DNAJC11: variants seen among roughly 807,000 people sequenced by gnomAD.
DNAJC11 encodes the protein DnaJ heat shock protein family (Hsp40) member C11.
A neutral mutation model predicts 78.6 loss-of-function variants in DNAJC11; 15 were observed. That is an observed-to-expected ratio of 0.19 (90% confidence interval 0.13 to 0.29). The LOEUF (loss-of-function observed/expected upper bound fraction) is 0.29. DNAJC11 is among the 10% of genes least tolerant of loss of function. The pLI, the probability that DNAJC11 is intolerant of heterozygous loss-of-function variation, is 1.00. For synonymous variants in DNAJC11, 292 were observed against 272.1 expected (o/e 1.07, Z -0.72); for missense variants, 547 against 709.6 (o/e 0.77, Z 2.60).
Position 6,634,324 on chromosome 1 carries a change from C to G in DNAJC11, c.*1351G>C, listed in dbSNP as rs548979382. On this transcript the variant is annotated 3_prime_UTR_variant, in exon 16 of 16. Transcript: ENST00000377577. ...ACACGACGCTCACCGCGGCTCGGGC[C>G]GTGGGGCCGTCAGAGAAACCTTTTT... is the stretch of plus-strand genomic sequence containing the variant. The G allele has an allele frequency of 4.9e-6, 5 of 1,026,912 alleles. No individual in the cohort carries two copies. The South Asian group carries it at 8.4e-5, about 17-fold the overall frequency. The allele number at this position is 1,026,912 out of a possible 1,614,324, so 63.6% of individuals were successfully genotyped here. A position where few individuals can be genotyped will look rare whatever the true frequency, so the allele number is the denominator to read the frequency against.
intron 1 of DNAJC11, among the ~76,000 whole-genome samples, chr1:6,688,104 C>T (rs1375712175): frequency 6.6e-6 from 1 of 152,236 alleles, no homozygotes; most frequent in African/African-American, 2.4e-5. Flanking sequence ...CAATAAGAAA[C>T]ATAAGAGGAA....
intron 10 of DNAJC11, 33 bp downstream of exon 10, chr1:6,644,525 T>C: frequency 6.8e-7 from 1 of 1,459,938 alleles, no homozygotes; most frequent in East Asian, 2.3e-5. Context: ...GTGACAGGCA[T>C]TCCTTGACCC....
In DNAJC11 at chr1:6,689,455, T is replaced by C. The variant is rs75943310; in HGVS notation, c.73-8418A>G. Among the ~76,000 whole-genome samples the C allele has an allele frequency of 1.6e-3, 245 of 152,200 alleles. 2 individuals are homozygous for C. The highest frequency in any genetic ancestry group is 5.8e-3 in the African/African-American group (239 of 41,530). The stretch of plus-strand genomic sequence containing the variant: ...TGGGGCAGAGGTGAATTTGAACACC[T>C]AGGTGGCGTGATGTCCAGAAGGCAG... On this transcript the variant is annotated intron_variant, in intron 1 of 15. Coordinates refer to ENST00000377577, the MANE Select transcript of DNAJC11 (RefSeq NM_018198.4).
chr1:6,676,523 T>A (rs1050327398), intron 3 of DNAJC11, among the ~76,000 whole-genome samples: 1 of 151,600 alleles, frequency 6.6e-6, no homozygotes, highest in Non-Finnish European at 1.5e-5. Flanking sequence ...CTACAAAAAA[T>A]TTAAAAATTA....
chr1:6,672,668 C>T (rs910180157), intron 3 of DNAJC11, among the ~76,000 whole-genome samples: 3 of 152,158 alleles, frequency 2.0e-5, no homozygotes, highest in Non-Finnish European at 4.4e-5. Flanking sequence ...CAGGCCTCTG[C>T]CAGCCTTGAT....
intron 1 of DNAJC11, among the ~76,000 whole-genome samples, chr1:6,693,673 C>T (rs886424147): frequency 2.0e-5 from 3 of 151,776 alleles, no homozygotes. Context: ...TGAGCCACCA[C>T]GCCCAGCCTT....
At position 6,648,759 on chromosome 1, in the gene DNAJC11, G is replaced by A. The variant is rs147967977; in HGVS notation, c.704+2770C>T. Among the ~76,000 whole-genome samples, 398 of 152,206 alleles carry A rather than the reference G, an allele frequency of 2.6e-3. 2 individuals carry two copies. Among genetic ancestry groups the A allele is most frequent in the African/African-American group, 9.1e-3 (377 of 41,544 alleles). ...GCATGAGCCACCACACCCTGCCCCC[G>A]AGGCGGCTTTTAACCAGCATCTGGG... On this transcript the variant is annotated intron_variant, in intron 7 of 15. Coordinates refer to ENST00000377577, the MANE Select transcript of DNAJC11 (RefSeq NM_018198.4).
Position 6,634,959 on chromosome 1 carries a change from G to C in DNAJC11, c.*716C>G, listed in dbSNP as rs1641732950. On this transcript the variant is annotated 3_prime_UTR_variant, in exon 16 of 16. Coordinates refer to ENST00000377577, the MANE Select transcript of DNAJC11 (RefSeq NM_018198.4). Reference sequence around the variant, plus strand: ...GGCCAGCTCAAGCCCGCTGGTGGCAGGGCGTTTTCCCACCGGGATACGGGA... The same window carrying C: ...GGCCAGCTCAAGCCCGCTGGTGGCACGGCGTTTTCCCACCGGGATACGGGA... 11 of 1,018,848 alleles carry C rather than the reference G, an allele frequency of 1.1e-5. No homozygotes were observed. The highest frequency in any genetic ancestry group is 1.3e-5 in the Non-Finnish European group (10 of 793,474). 63.1% of individuals were successfully genotyped at this position (1,018,848 alleles called of 1,614,324 possible). A position where few individuals can be genotyped will look rare whatever the true frequency, so the allele number is the denominator to read the frequency against.
intron 1 of DNAJC11, 37 bp from the exon 2 acceptor site, chr1:6,681,074 G>A: frequency 6.3e-7 from 1 of 1,582,268 alleles, no homozygotes; most frequent in Non-Finnish European, 8.6e-7. Context: ...AACAATCAAT[G>A]CTACTTAAAC....
intron 1 of DNAJC11, 111 bp downstream of exon 1, chr1:6,701,618 C>G: frequency 1.7e-6 from 2 of 1,182,932 alleles, no homozygotes; most frequent in South Asian, 3.1e-5. Context: ...CGCGGCCTCC[C>G]CGACGGACCC....
At chr1:6,685,854 T>C (rs1016742568) in intron 1 of DNAJC11, among the ~76,000 whole-genome samples, 4 of 152,244 alleles carry the variant, frequency 2.6e-5, no homozygotes, top group Admixed American at 1.3e-4. Context: ...TTTAATGGAA[T>C]GTGTGTACAT....
Position 6,653,999 on chromosome 1 carries a change from T to C in DNAJC11, c.419A>G (p.Asp140Gly). 1 of 1,613,490 alleles carries C rather than the reference T, an allele frequency of 6.2e-7. No homozygotes were observed. The highest frequency in any genetic ancestry group is 8.5e-7 in the Non-Finnish European group (1 of 1,179,602). The change falls in exon 5 of 16, where the codon GAT (aspartate) becomes GGT (glycine). Residue 140 changes from aspartate (D) to glycine (G), a missense_variant. Coordinates refer to ENST00000377577, the MANE Select transcript of DNAJC11 (RefSeq NM_018198.4). This position sits in a 1 kb window ranked among gnomAD's most constrained non-coding sequence, Gnocchi z 4.5. Reference protein sequence around the residue: ...SVGVDATDLFDRYDEEYEDVS... With the variant: ...SVGVDATDLFGRYDEEYEDVS... Reference sequence around the variant, plus strand: ...ATCTTCATACTCCTCATCATAGCGATCAAAAAGGTCGGTGGCATCTACTCC... The same window carrying C: ...ATCTTCATACTCCTCATCATAGCGACCAAAAAGGTCGGTGGCATCTACTCC...
chr1:6,644,817 A>C, intron 9 of DNAJC11, 143 bp from the exon 10 acceptor site: 1 of 809,996 alleles, frequency 1.2e-6, no homozygotes, highest in South Asian at 1.6e-5. Context: ...GACAGAAGAA[A>C]GTTGGGACAC....
At chr1:6,652,729 G>C (rs1223251886) in intron 6 of DNAJC11, 100 bp downstream of exon 6, 6 of 1,527,622 alleles carry the variant, frequency 3.9e-6, no homozygotes, top group Non-Finnish European at 4.4e-6. Flanking sequence ...ACACAACAAC[G>C]GGGCCCCCAG....
intron 1 of DNAJC11, among the ~76,000 whole-genome samples, chr1:6,697,206 C>T (rs904046463): frequency 3.3e-5 from 5 of 152,164 alleles, no homozygotes; most frequent in African/African-American, 1.2e-4. Context: ...GATGATGGCC[C>T]TGCTCTGTAA....
chr1:6,637,516 C>A lies in DNAJC11; in HGVS notation c.1324-12G>T. ...TGCATCAGCCGGACCTGCCAGAGAA[C>A]AAGGATGACACAGTCAGGGCCCTGC... On this transcript the variant is annotated splice_polypyrimidine_tract_variant and intron_variant, in intron 12 of 15. Transcript: ENST00000377577. 6.2e-7 allele frequency: 1 copy of A among 1,614,176 alleles called. No individual in the cohort carries two copies. The highest frequency in any genetic ancestry group is 8.5e-7 in the Non-Finnish European group (1 of 1,180,044).
chr1:6,661,450 G>A (rs533248710), intron 4 of DNAJC11, among the ~76,000 whole-genome samples: 22 of 152,164 alleles, frequency 1.4e-4, no homozygotes, highest in Admixed American at 3.3e-4. Context: ...GCCCTCCGAC[G>A]GATACTCATT....
intron 1 of DNAJC11, among the ~76,000 whole-genome samples, chr1:6,686,174 A>C (rs1037740957): frequency 3.3e-5 from 5 of 152,246 alleles, no homozygotes; most frequent in Non-Finnish European, 7.3e-5. Context: ...CATAAACAAA[A>C]GCTCTTTGGG....
intron 10 of DNAJC11, among the ~76,000 whole-genome samples, 184 bp from the exon 11 acceptor site, chr1:6,640,241 G>A (rs746612082): frequency 5.3e-5 from 8 of 152,156 alleles, no homozygotes; most frequent in Non-Finnish European, 1.2e-4. Flanking sequence ...AAGTCTGGCT[G>A]ATGGATCTGA....
Sources: allele counts gnomAD v4.1 joint callset (sites outside exome capture counted in the v4.1 genomes callset), GRCh38; gene constraint gnomAD v4.1.1; non-coding constraint Gnocchi (gnomAD v3.1); transcripts MANE v1.5; gene names NCBI Gene and HGNC (gene_info 2026-07-23, HGNC 2026-07-21).